RASSF8: variants seen among roughly 807,000 people sequenced by gnomAD.
RASSF8 encodes ras association domain-containing protein 8.
In RASSF8, 22 loss-of-function variants were observed where a neutral mutation model predicts 48.5. The ratio of observed to expected loss-of-function variants is 0.45; its 90% CI spans 0.32 to 0.65. RASSF8 has a LOEUF of 0.65. Among genes scored for constraint, RASSF8 ranks in the 30% least tolerant of loss-of-function variants. RASSF8 has a pLI of 0.03. For synonymous variants in RASSF8, 127 were observed against 171.5 expected (o/e 0.74, Z 2.03); for missense variants, 418 against 489.2 (o/e 0.85, Z 1.37).
At chr12:26,005,208 T>G (rs968041991) in intron 2 of RASSF8, among the ~76,000 whole-genome samples, 4 of 152,074 alleles carry the variant, frequency 2.6e-5, no homozygotes, top group Non-Finnish European at 5.9e-5. Context: ...GGTTTTTGTT[T>G]TGTTTTGTTT....
intron 2 of RASSF8, among the ~76,000 whole-genome samples, chr12:26,054,713 GA>G (rs1268563369): frequency 1.3e-5 from 2 of 151,814 alleles, no homozygotes; most frequent in Non-Finnish European, 2.9e-5. Flanking sequence ...AAAATATTAG[GA>G]AGGCAGACAG....
chr12:26,066,316 A>G lies in RASSF8; in HGVS notation c.993+929A>G, dbSNP rs77574352. On this transcript the variant is annotated intron_variant, in intron 4 of 5. Coordinates refer to ENST00000689635, the MANE Select transcript of RASSF8 (RefSeq NM_001394098.1). Reference sequence around the variant, plus strand: ...ACTACTTGTAAGAAATTCAGAATCTACATTGAAACAGGATGCCCAAGTAAT... The same window carrying G: ...ACTACTTGTAAGAAATTCAGAATCTGCATTGAAACAGGATGCCCAAGTAAT... Among the ~76,000 whole-genome samples the G allele has an allele frequency of 6.3e-3, 960 of 152,282 alleles. 6 individuals carry two copies. Among genetic ancestry groups the G allele is most frequent in the African/African-American group, 0.022 (904 of 41,568 alleles).
chr12:25,975,051 TG>T (rs1369676009), intron 1 of RASSF8, among the ~76,000 whole-genome samples: 4 of 151,840 alleles, frequency 2.6e-5, no homozygotes, highest in Non-Finnish European at 4.4e-5. Context: ...GTTCCCAGGG[TG>T]GGGTTGGGAG....
At chr12:26,049,975 A>G (rs549191431) in intron 2 of RASSF8, among the ~76,000 whole-genome samples, 4 of 152,144 alleles carry the variant, frequency 2.6e-5, no homozygotes, top group Non-Finnish European at 4.4e-5. Flanking sequence ...TAGTAGAGAC[A>G]GGGTTTCGTG....
At chr12:26,075,465 C>A (rs1293565095), downstream of RASSF8, among the ~76,000 whole-genome samples, 2 of 152,188 alleles carry the variant, frequency 1.3e-5, no homozygotes, top group African/African-American at 4.8e-5. Context: ...CTTCTCTGCA[C>A]CAAATTTAGC....
At chr12:26,002,116 A>G (rs1394647842) in intron 2 of RASSF8, among the ~76,000 whole-genome samples, 3 of 152,242 alleles carry the variant, frequency 2.0e-5, no homozygotes, top group African/African-American at 7.2e-5. Context: ...ACTGTATGAC[A>G]TAGTATATAA....
intron 4 of RASSF8, among the ~76,000 whole-genome samples, chr12:26,066,635 T>C (rs918958870): frequency 8.5e-5 from 13 of 152,204 alleles, no homozygotes; most frequent in African/African-American, 2.7e-4. Flanking sequence ...CACTAACTTA[T>C]CACAGTCATT....
At chr12:26,001,857 A>G (rs536214593) in intron 2 of RASSF8, among the ~76,000 whole-genome samples, 72 of 152,214 alleles carry the variant, frequency 4.7e-4, no homozygotes, top group Admixed American at 7.9e-4. Flanking sequence ...AACTGGTGAC[A>G]TAGTCATTTA....
intron 3 of RASSF8, among the ~76,000 whole-genome samples, chr12:26,063,263 C>G (rs1943786509): frequency 6.6e-6 from 1 of 152,104 alleles, no homozygotes; most frequent in Non-Finnish European, 1.5e-5. Flanking sequence ...CTGACCCACT[C>G]AAATGAAAAT....
intron 1 of RASSF8, among the ~76,000 whole-genome samples, chr12:25,993,713 ATCT>A (rs1447106493): frequency 6.6e-6 from 1 of 152,052 alleles, no homozygotes; most frequent in Admixed American, 6.6e-5. Context: ...TATTTCTTTT[ATCT>A]TCTTTAGGAG....
intron 2 of RASSF8, among the ~76,000 whole-genome samples, chr12:26,009,031 G>T (rs1253118196): frequency 6.6e-6 from 1 of 152,090 alleles, no homozygotes; most frequent in Non-Finnish European, 1.5e-5. Context: ...CACACTGGTA[G>T]TCCCCTGTGT....
At chr12:25,977,294 T>C (rs936412906) in intron 1 of RASSF8, among the ~76,000 whole-genome samples, 1 of 152,218 alleles carries the variant, frequency 6.6e-6, no homozygotes, top group Non-Finnish European at 1.5e-5. Context: ...CATGGATTCA[T>C]CCTTGTTGGG....
At chr12:26,041,193 G>T (rs1943257721) in intron 2 of RASSF8, among the ~76,000 whole-genome samples, 1 of 152,020 alleles carries the variant, frequency 6.6e-6, no homozygotes, top group African/African-American at 2.4e-5. Context: ...TGCCTGGCCA[G>T]TATACATAGT....
chr12:26,065,293 G>T lies in RASSF8; in HGVS notation c.899G>T (p.Gly300Val), dbSNP rs1943846251. ...AAAGGAAAGATCGGTAAGGTCAAAG[G>T]GGAGATTGACATTCAAGGCCAGCAG... ...EVKGKIGKVK[G>V]EIDIQGQQSL... The change falls in exon 4 of 6, where the codon GGG (glycine) becomes GTG (valine). Residue 300 changes from glycine (G) to valine (V), a missense_variant. By Grantham distance (109) the Gly-to-Val change is moderately radical (BLOSUM62 -3). Transcript: ENST00000689635. The T allele has an allele frequency of 1.9e-6, 3 of 1,614,068 alleles. No individual in the cohort carries two copies. Among genetic ancestry groups the T allele is most frequent in the Non-Finnish European group, 2.5e-6 (3 of 1,179,952 alleles).
At chr12:26,013,383 T>C (rs907167742) in intron 2 of RASSF8, among the ~76,000 whole-genome samples, 1 of 152,222 alleles carries the variant, frequency 6.6e-6, no homozygotes, top group African/African-American at 2.4e-5. Flanking sequence ...GATATCCTTA[T>C]AGATGAAGAA....
At chr12:25,994,650 T>C (rs992814542) in intron 1 of RASSF8, among the ~76,000 whole-genome samples, 1 of 152,214 alleles carries the variant, frequency 6.6e-6, no homozygotes, top group African/African-American at 2.4e-5. Flanking sequence ...AGCCCTGGCT[T>C]TAGGCAATTT....
intron 1 of RASSF8, among the ~76,000 whole-genome samples, chr12:25,967,894 C>G (rs1941394905): frequency 6.6e-6 from 1 of 152,228 alleles, no homozygotes; most frequent in Non-Finnish European, 1.5e-5. Flanking sequence ...CTGTTCAAGT[C>G]ATGCAAGGAT....
rs116274157 is a variant in RASSF8, at chr12:25,982,937, A to G, written c.-202-12100A>G. 7.1e-3 allele frequency among the ~76,000 whole-genome samples: 1,078 copies of G among 152,370 alleles called. 17 individuals carry two copies. Among genetic ancestry groups the G allele is most frequent in the African/African-American group, 0.025 (1,032 of 41,586 alleles). On this transcript the variant is annotated intron_variant, in intron 1 of 5. Transcript: ENST00000689635. ...GTGGTCCAAAGAAAAGGCAAATTAT[A>G]TAGTTGTAGAGTGGTTCCACCATAG...
chr12:25,967,418 T>C lies in RASSF8; in HGVS notation c.-203+8270T>C, dbSNP rs565467851. Among the ~76,000 whole-genome samples, 3 of 152,352 alleles carry C rather than the reference T, an allele frequency of 2.0e-5. No individual in the cohort carries two copies. The East Asian group carries it at 5.8e-4, about 29-fold the overall frequency. On this transcript the variant is annotated intron_variant, in intron 1 of 5. Transcript: ENST00000689635. ...TTTCCTATTGATAATTATATTACTT[T>C]TCTTTGAAAACCTCCCAACCTAGAT...
Sources: gnomAD v4.1 joint callset for allele counts (sites outside exome capture counted in the v4.1 genomes callset) on GRCh38, gnomAD v4.1.1 for gene constraint, MANE v1.5 for transcripts, NCBI Gene and HGNC (gene_info 2026-07-23, HGNC 2026-07-21) for gene names.